Variants in GRAMD1B observed in about 807,000 individuals in gnomAD.
The protein encoded by GRAMD1B is protein Aster-B.
GRAMD1B carries 37 observed loss-of-function variants against 99.7 expected under a neutral mutation model. That is an observed-to-expected ratio of 0.37 (90% CI 0.29 to 0.49). The LOEUF (loss-of-function observed/expected upper bound fraction) is 0.49. Ranked by LOEUF, GRAMD1B falls within the 20% of genes least tolerant of loss-of-function variation. The pLI is 0.98. For missense variants in GRAMD1B, 888 were observed against 1,009.2 expected (o/e 0.88, Z 1.63); for synonymous variants, 427 against 387.6 (o/e 1.10, Z -1.19).
At chr11:123,381,735 G>A (rs1257709805) in intron 1 of GRAMD1B, among the ~76,000 whole-genome samples, 1 of 152,176 alleles carries the variant, frequency 6.6e-6, no homozygotes, top group African/African-American at 2.4e-5. Context: ...CCATCTCTTG[G>A]AACTATGCTA....
chr11:123,503,035 A>G (rs1337994539), intron 2 of GRAMD1B, among the ~76,000 whole-genome samples: 3 of 152,180 alleles, frequency 2.0e-5, no homozygotes, highest in African/African-American at 7.2e-5. Context: ...CATATCGCTA[A>G]CCTGAGAAGA....
intron 1 of GRAMD1B, among the ~76,000 whole-genome samples, chr11:123,441,120 A>G (rs969089129): frequency 2.6e-5 from 4 of 152,158 alleles, no homozygotes; most frequent in African/African-American, 7.2e-5. Flanking sequence ...CTTTATTGGC[A>G]GCCTGAAAAT....
intron 4 of GRAMD1B, among the ~76,000 whole-genome samples, chr11:123,588,908 CAT>C (rs922913596): frequency 1.3e-5 from 2 of 151,952 alleles, no homozygotes; most frequent in Non-Finnish European, 2.9e-5. Context: ...GGAATATTTG[CAT>C]ATATATATAA....
chr11:123,556,812 T>C (rs746938696), intron 2 of GRAMD1B, among the ~76,000 whole-genome samples: 1 of 152,240 alleles, frequency 6.6e-6, no homozygotes, highest in Non-Finnish European at 1.5e-5. Flanking sequence ...GATTGCAGCA[T>C]GTACCTGCTC....
intron 10 of GRAMD1B, 67 bp from the exon 11 acceptor site, chr11:123,606,542 A>T: frequency 7.2e-7 from 1 of 1,397,708 alleles, no homozygotes; most frequent in Non-Finnish European, 9.8e-7. Flanking sequence ...TGCATCCCTA[A>T]TCTCCCTTTG....
At chr11:123,514,961 C>T (rs1941536855) in intron 2 of GRAMD1B, among the ~76,000 whole-genome samples, 1 of 152,172 alleles carries the variant, frequency 6.6e-6, no homozygotes, top group African/African-American at 2.4e-5. Context: ...GTGATAGATG[C>T]TCAATAAATA....
At chr11:123,565,808 C>T (rs936858166) in intron 2 of GRAMD1B, among the ~76,000 whole-genome samples, 1 of 152,210 alleles carries the variant, frequency 6.6e-6, no homozygotes, top group Admixed American at 6.5e-5. Context: ...AGCCTGTGAA[C>T]CCAGCAGGAC....
intron 1 of GRAMD1B, among the ~76,000 whole-genome samples, chr11:123,475,035 T>C (rs565374147): frequency 6.6e-6 from 1 of 152,236 alleles, no homozygotes; most frequent in Non-Finnish European, 1.5e-5. Context: ...TGTTTCTCCC[T>C]AGGAAGCACC....
intron 2 of GRAMD1B, among the ~76,000 whole-genome samples, chr11:123,494,831 G>A (rs10893046): frequency 0.18 from 27,221 of 151,906 alleles, 2,567 homozygotes; most frequent in Middle Eastern, 0.26. Context: ...GTGGCAACTC[G>A]GGGGCTCAAA....
intron 1 of GRAMD1B, among the ~76,000 whole-genome samples, chr11:123,442,025 C>G (rs1216000789): frequency 6.6e-6 from 1 of 152,120 alleles, no homozygotes; most frequent in Admixed American, 6.5e-5. Flanking sequence ...ACTGTTTTTT[C>G]TTTCTCACAG....
At position 123,552,142 on chromosome 11, in the gene GRAMD1B, G is replaced by T. The variant is rs186140710; in HGVS notation, c.453-25225G>T. Among the ~76,000 whole-genome samples the T allele has an allele frequency of 2.5e-3, 383 of 152,166 alleles. 1 individual carries two copies. The highest frequency in any genetic ancestry group is 9.0e-3 in the African/African-American group (373 of 41,520). On this transcript the variant is annotated intron_variant, in intron 2 of 19. Transcript: ENST00000635736. ...GAACACTTTTAGAGTCAGCCATCCT[G>T]TGTAGATTCTTGCTTGTGGTCATTC...
At chr11:123,608,840 C>G (rs1565458314) in intron 12 of GRAMD1B, 38 bp downstream of exon 12, 2 of 1,286,398 alleles carry the variant, frequency 1.6e-6, no homozygotes, top group Non-Finnish European at 2.2e-6. Context: ...ATTCCTCCCT[C>G]TTCATCCTCA....
intron 16 of GRAMD1B, 134 bp from the exon 17 acceptor site, chr11:123,614,611 C>T: frequency 1.7e-6 from 1 of 584,810 alleles, no homozygotes; most frequent in Non-Finnish European, 3.1e-6. Context: ...GCAGTCTCCG[C>T]ATATCGTTGC....
chr11:123,484,701 C>G (rs966415563), intron 2 of GRAMD1B, among the ~76,000 whole-genome samples: 1 of 152,090 alleles, frequency 6.6e-6, no homozygotes, highest in Non-Finnish European at 1.5e-5. Flanking sequence ...GAAATTGGCT[C>G]TAGTATGTGT....
intron 1 of GRAMD1B, among the ~76,000 whole-genome samples, chr11:123,375,950 T>C (rs1946678675): frequency 6.6e-6 from 1 of 152,180 alleles, no homozygotes; most frequent in African/African-American, 2.4e-5. Flanking sequence ...TAGATTTTTT[T>C]TTTTCCAGAG....
chr11:123,364,935 T>G (rs1044678616), intron 1 of GRAMD1B, among the ~76,000 whole-genome samples: 4 of 152,224 alleles, frequency 2.6e-5, no homozygotes, highest in Non-Finnish European at 1.5e-5. Context: ...AATGGCATGG[T>G]TAACCCTGTC....
intron 2 of GRAMD1B, among the ~76,000 whole-genome samples, chr11:123,524,980 T>C (rs1942562636): frequency 6.6e-6 from 1 of 152,218 alleles, no homozygotes; most frequent in African/African-American, 2.4e-5. Flanking sequence ...GAGGAGCCTC[T>C]TCCCCATTCT....
chr11:123,528,608 T>G (rs1462878341), intron 2 of GRAMD1B, among the ~76,000 whole-genome samples: 2 of 152,082 alleles, frequency 1.3e-5, no homozygotes, highest in Non-Finnish European at 2.9e-5. Flanking sequence ...CAGGGTAAGT[T>G]TCCCCAGTGA....
chr11:123,371,334 C>T (rs1043777054), intron 1 of GRAMD1B, among the ~76,000 whole-genome samples: 1 of 152,128 alleles, frequency 6.6e-6, no homozygotes, highest in African/African-American at 2.4e-5. Context: ...TGATTATGTA[C>T]AGGAAAAGAG....
Sources: gnomAD v4.1 joint callset for allele counts (sites outside exome capture counted in the v4.1 genomes callset) on GRCh38, gnomAD v4.1.1 for gene constraint, MANE v1.5 for transcripts, NCBI Gene and HGNC (gene_info 2026-07-23, HGNC 2026-07-21) for gene names.